Variants in PRTG observed in about 807,000 individuals in gnomAD.
PRTG encodes immunoglobulin superfamily, DCC subclass, member 5.
Under a neutral mutation model 122.5 loss-of-function variants are expected in PRTG, and 67 were observed. The observed-to-expected ratio is 0.55, with a 90% CI of 0.45 to 0.67. The LOEUF is 0.67. Among genes scored for constraint, PRTG ranks in the 30% least tolerant of loss-of-function variants. The probability of loss-of-function intolerance (pLI) is 0.00; values close to 1 mark genes in which losing one functional copy is unlikely to be tolerated. For synonymous variants in PRTG, 554 were observed against 501.1 expected (o/e 1.11, Z -1.41); for missense variants, 1,435 against 1,415.4 (o/e 1.01, Z -0.22).
At chr15:55,734,495 T>C (rs2031346992) in intron 2 of PRTG, among the ~76,000 whole-genome samples, 1 of 151,982 alleles carries the variant, frequency 6.6e-6, no homozygotes, top group African/African-American at 2.4e-5. Flanking sequence ...CTAAATCCAA[T>C]AAGGACACCA....
chr15:55,740,567 G>A lies in PRTG; in HGVS notation c.212C>T (p.Thr71Ile), dbSNP rs750428343. 4 of 1,614,026 alleles carry A rather than the reference G, an allele frequency of 2.5e-6. No homozygotes were observed. The highest frequency in any genetic ancestry group is 1.7e-5 in the Admixed American group (1 of 60,012). The change falls in exon 2 of 20, where the codon ACA (threonine) becomes ATA (isoleucine). Residue 71 changes from threonine (T) to isoleucine (I), a missense_variant. Transcript: ENST00000389286. The stretch of plus-strand genomic sequence containing the variant: ...CATTTTTGCTCCATTTTTCAACCAT[G>A]TGACCTTAATAGGAACTTCTCCGTG... ...QAHGEVPIKVTWLKNGAKMSE... is the reference protein window; with the variant it reads ...QAHGEVPIKVIWLKNGAKMSE...
At chr15:55,649,088 CAAAAA>C (rs11481493) in intron 11 of PRTG, among the ~76,000 whole-genome samples, 1 of 136,362 alleles carries the variant, frequency 7.3e-6, no homozygotes, top group Non-Finnish European at 1.5e-5. Context: ...GACTCCGTCT[CAAAAA>C]AAAAAAGAAA....
intron 2 of PRTG, among the ~76,000 whole-genome samples, chr15:55,709,969 T>C (rs1389824617): frequency 6.6e-6 from 1 of 152,138 alleles, no homozygotes; most frequent in East Asian, 1.9e-4. Context: ...AAGTGTGCAC[T>C]TCAAATATGT....
intron 11 of PRTG, among the ~76,000 whole-genome samples, chr15:55,665,120 C>T (rs1030992421): frequency 1.3e-5 from 2 of 151,778 alleles, no homozygotes; most frequent in Non-Finnish European, 1.5e-5. Context: ...AATTAGCCTG[C>T]GTGGTGGCCG....
intron 4 of PRTG, among the ~76,000 whole-genome samples, chr15:55,681,834 C>T (rs2059540048): frequency 6.6e-6 from 1 of 152,100 alleles, no homozygotes; most frequent in Non-Finnish European, 1.5e-5. Flanking sequence ...CTGTATTTTA[C>T]ACTTTTAAAA....
chr15:55,620,716 A>C lies in PRTG; in HGVS notation c.3145T>G (p.Ser1049Ala). ...NSYGPIIKNN[S>A]KKKWFFFQDS... ...TGGAAAAAAAACCACTTTTTCTTAGAGTTGTTTTTAATTATAGGACCATAG... is the reference window on the plus strand; with the variant it reads ...TGGAAAAAAAACCACTTTTTCTTAGCGTTGTTTTTAATTATAGGACCATAG... Residue 1049 changes from serine to alanine, a missense_variant, in exon 19 of 20, where the codon TCT becomes GCT. Physicochemically the swap from Ser to Ala is moderately conservative, Grantham distance 99. Transcript: ENST00000389286. The C allele has an allele frequency of 6.2e-7, 1 of 1,602,708 alleles. No homozygotes were observed. Among genetic ancestry groups the C allele is most frequent in the Non-Finnish European group, 8.5e-7 (1 of 1,177,464 alleles).
chr15:55,706,863 A>G lies in PRTG; in HGVS notation c.398-22932T>C, dbSNP rs149650535. Among the ~76,000 whole-genome samples, 520 of 152,300 alleles carry G rather than the reference A, an allele frequency of 3.4e-3. 2 individuals are homozygous for G. Among genetic ancestry groups the G allele is most frequent in the Admixed American group, 5.8e-3 (88 of 15,302 alleles). ...CAACTGCAGGGCAGAGATGATGCAG[A>G]GCTTTGCCTACTTACATTTTAATGC... is the stretch of plus-strand genomic sequence containing the variant. On this transcript the variant is annotated intron_variant, in intron 2 of 19. Transcript: ENST00000389286.
chr15:55,624,842 C>G (rs1213771883), intron 17 of PRTG, among the ~76,000 whole-genome samples: 3 of 152,166 alleles, frequency 2.0e-5, no homozygotes, highest in Non-Finnish European at 4.4e-5. Context: ...TAACAATTCA[C>G]TTTCCAATTA....
Position 55,740,453 on chromosome 15 carries a change from C to T in PRTG, c.326G>A (p.Gly109Glu). 1.2e-6 allele frequency: 2 copies of T among 1,614,138 alleles called. No individual in the cohort carries two copies. The highest frequency in any genetic ancestry group is 1.7e-6 in the Non-Finnish European group (2 of 1,180,024). Residue 109 changes from glycine to glutamate, a missense_variant, in exon 2 of 20, where the codon GGA (glycine) becomes GAA (glutamate). By Grantham distance (98) the Gly-to-Glu change is moderately conservative. Coordinates refer to ENST00000389286, the MANE Select transcript of PRTG (RefSeq NM_173814.6). Reference protein sequence around the residue: ...EGRRGEQSDEGFYQCLAMNKY... With the variant: ...EGRRGEQSDEEFYQCLAMNKY... Reference sequence around the variant, plus strand: ...GTTCATTGCCAAGCACTGATAAAATCCTTCATCGGACTGCTCTCCTCGCCT... The same window carrying T: ...GTTCATTGCCAAGCACTGATAAAATTCTTCATCGGACTGCTCTCCTCGCCT...
intron 16 of PRTG, among the ~76,000 whole-genome samples, chr15:55,627,515 T>G (rs12917317): frequency 0.024 from 2,413 of 102,542 alleles, 79 homozygotes; most frequent in African/African-American, 0.091. Flanking sequence ...TTTTTTTTTG[T>G]ATTTTTAGTA....
intron 11 of PRTG, among the ~76,000 whole-genome samples, chr15:55,667,075 G>C (rs2059443042): frequency 6.6e-6 from 1 of 152,076 alleles, no homozygotes; most frequent in African/African-American, 2.4e-5. Flanking sequence ...AGGTTTCCCA[G>C]AAGTGTTGAG....
chr15:55,656,331 G>C (rs1371735919), intron 11 of PRTG: 2 of 455,354 alleles, frequency 4.4e-6, no homozygotes, highest in Non-Finnish European at 8.8e-6. Context: ...GGACTTATCT[G>C]ATGGTTTCAT....
chr15:55,656,341 T>A, intron 11 of PRTG: 1 of 455,884 alleles, frequency 2.2e-6, no homozygotes, highest in South Asian at 1.6e-5. Flanking sequence ...GATGGTTTCA[T>A]TATTAGATTC....
intron 2 of PRTG, among the ~76,000 whole-genome samples, chr15:55,710,546 C>T (rs2030338081): frequency 6.6e-6 from 1 of 152,170 alleles, no homozygotes; most frequent in African/African-American, 2.4e-5. Context: ...TTTAAAGCCT[C>T]ATTTTCTGAA....
chr15:55,690,692 C>A (rs1171329889), intron 2 of PRTG, among the ~76,000 whole-genome samples: 1 of 152,118 alleles, frequency 6.6e-6, no homozygotes, highest in Non-Finnish European at 1.5e-5. Flanking sequence ...TCGTTCCAAG[C>A]ATTTCAGATA....
intron 2 of PRTG, among the ~76,000 whole-genome samples, chr15:55,727,990 G>C (rs1242018726): frequency 6.6e-6 from 1 of 152,062 alleles, no homozygotes; most frequent in African/African-American, 2.4e-5. Context: ...TCAGCCTCCT[G>C]AGTAGCTGGG....
At chr15:55,712,323 C>A (rs1206972064) in intron 2 of PRTG, among the ~76,000 whole-genome samples, 1 of 152,138 alleles carries the variant, frequency 6.6e-6, no homozygotes, top group Non-Finnish European at 1.5e-5. Flanking sequence ...AGACAAAGAC[C>A]CCTGTCTCAA....
intron 6 of PRTG, 73 bp downstream of exon 6, chr15:55,679,980 TA>T: frequency 8.5e-7 from 1 of 1,181,966 alleles, no homozygotes; most frequent in East Asian, 2.4e-5. Flanking sequence ...AAGAAAGAAG[TA>T]AGCTATGAAT....
At chr15:55,715,552 T>C (rs1041981779) in intron 2 of PRTG, among the ~76,000 whole-genome samples, 1 of 152,296 alleles carries the variant, frequency 6.6e-6, no homozygotes, top group Non-Finnish European at 1.5e-5. Context: ...ACGGATACTT[T>C]AGTGTTTGCA....
Sources: allele counts gnomAD v4.1 joint callset (sites outside exome capture counted in the v4.1 genomes callset), GRCh38; gene constraint gnomAD v4.1.1; transcripts MANE v1.5; gene names NCBI Gene and HGNC (gene_info 2026-07-23, HGNC 2026-07-21).